NEXN: variants seen among roughly 807,000 people sequenced by gnomAD.
The protein encoded by NEXN is nexilin F-actin binding protein.
Under a neutral mutation model 92.6 loss-of-function variants are expected in NEXN, and 65 were observed. The ratio of observed to expected loss-of-function variants is 0.70; its 90% CI spans 0.57 to 0.86. NEXN has a LOEUF of 0.86. NEXN is among the 40% of genes least tolerant of loss of function. The probability of loss-of-function intolerance (pLI) is 0.00; values close to 1 mark genes in which losing one functional copy is unlikely to be tolerated. For synonymous variants in NEXN, 254 were observed against 242.5 expected, an observed-to-expected ratio of 1.05 and a Z score of -0.44; for missense variants, 778 against 771.1, an observed-to-expected ratio of 1.01 and a Z score of -0.11.
intron 1 of NEXN, among the ~76,000 whole-genome samples, chr1:77,901,982 A>G (rs1187039105): frequency 1.3e-5 from 2 of 152,200 alleles, no homozygotes; most frequent in African/African-American, 4.8e-5. Flanking sequence ...AAGCCTTATT[A>G]TATTTTTGAT....
chr1:77,941,972 CTTTGT>C, intron 11 of NEXN, 46 bp from the exon 12 acceptor site: 1 of 1,566,088 alleles, frequency 6.4e-7, no homozygotes, highest in South Asian at 1.1e-5. Context: ...AGTAACGCTT[CTTTGT>C]TTTTAGAAGG....
chr1:77,928,872 G>C (rs769823225), intron 8 of NEXN, among the ~76,000 whole-genome samples: 1 of 151,954 alleles, frequency 6.6e-6, no homozygotes, highest in Non-Finnish European at 1.5e-5. Flanking sequence ...TCAGCTTCTC[G>C]AGTAGCTGGG....
Position 77,940,513 on chromosome 1 carries a change from A to G in NEXN, c.1474-1510A>G, listed in dbSNP as rs116731661. Among the ~76,000 whole-genome samples, 234 of 152,266 alleles carry G rather than the reference A, an allele frequency of 1.5e-3. 1 individual carries two copies. Among genetic ancestry groups the G allele is most frequent in the Non-Finnish European group, 2.9e-3 (199 of 68,018 alleles). On this transcript the variant is annotated intron_variant, in intron 11 of 12. Transcript: ENST00000334785. ...AAGAGAAATTATTTTACTTACTCAA[A>G]TTTATTTTCTAAATGCAGGTTTGAG...
intron 5 of NEXN, among the ~76,000 whole-genome samples, chr1:77,922,938 T>C (rs1649548314): frequency 6.6e-6 from 1 of 151,704 alleles, no homozygotes; most frequent in South Asian, 2.1e-4. Context: ...ACTATTAAAG[T>C]ATAAAATAGA....
intron 11 of NEXN, among the ~76,000 whole-genome samples, chr1:77,936,335 C>A (rs1022679038): frequency 6.6e-6 from 1 of 152,180 alleles, no homozygotes; most frequent in Non-Finnish European, 1.5e-5. Flanking sequence ...CGCCTATAAT[C>A]CCAGCACTTT....
intron 4 of NEXN, 26 bp from the exon 5 acceptor site, chr1:77,918,099 C>G: frequency 1.9e-6 from 3 of 1,613,122 alleles, no homozygotes; most frequent in Non-Finnish European, 2.5e-6. Flanking sequence ...AACCAAGTAT[C>G]AAACTTTTTT....
chr1:77,933,719 T>C (rs1171535389), intron 10 of NEXN, among the ~76,000 whole-genome samples: 1 of 152,206 alleles, frequency 6.6e-6, no homozygotes, highest in Non-Finnish European at 1.5e-5. Context: ...GAGCTATTAC[T>C]ATTTATTTAT....
At chr1:77,921,295 C>G (rs561045250) in intron 5 of NEXN, among the ~76,000 whole-genome samples, 1 of 152,020 alleles carries the variant, frequency 6.6e-6, no homozygotes, top group East Asian at 1.9e-4. Flanking sequence ...ATGATCAGGC[C>G]ACTGCACCAA....
In NEXN at chr1:77,918,274, G is replaced by A. The variant is rs112542707; in HGVS notation, c.447+1G>A. 1 of 1,613,836 alleles carries A rather than the reference G, an allele frequency of 6.2e-7. No homozygotes were observed. Among genetic ancestry groups the A allele is most frequent in the South Asian group, 1.1e-5 (1 of 91,074 alleles). On this transcript the variant is annotated splice_donor_variant, in intron 5 of 12. Coordinates refer to ENST00000334785, the MANE Select transcript of NEXN (RefSeq NM_144573.4). LOFTEE classifies it high-confidence loss of function. ...TGAATTAGCAAAAAGGGCTGAACAG[G>A]TATCACTGAAGATTAAGTTCGTATT...
At chr1:77,893,179 C>A (rs1647147443) in intron 1 of NEXN, among the ~76,000 whole-genome samples, 1 of 152,044 alleles carries the variant, frequency 6.6e-6, no homozygotes, top group Non-Finnish European at 1.5e-5. Flanking sequence ...CTTAAAAATT[C>A]TACTCCCTGT....
intron 1 of NEXN, among the ~76,000 whole-genome samples, chr1:77,898,406 G>A (rs1638716425): frequency 1.3e-5 from 2 of 152,136 alleles, no homozygotes; most frequent in African/African-American, 4.8e-5. Flanking sequence ...AACAAGCAAT[G>A]GGGAAAGGAT....
chr1:77,938,918 GT>G (rs1651020615), intron 11 of NEXN, among the ~76,000 whole-genome samples: 2 of 152,194 alleles, frequency 1.3e-5, no homozygotes, highest in African/African-American at 4.8e-5. Flanking sequence ...GTAAAAATAG[GT>G]TGTGGCTAGT....
intron 1 of NEXN, among the ~76,000 whole-genome samples, chr1:77,912,629 C>T (rs1648677779): frequency 1.3e-5 from 2 of 152,048 alleles, no homozygotes; most frequent in Non-Finnish European, 2.9e-5. Flanking sequence ...GAATAGAGAG[C>T]CCAGAAATAG....
Position 77,943,272 on chromosome 1 carries a change from T to C in NEXN, c.*443T>C, listed in dbSNP as rs1199113343. ...ACACACAAACCTAAGTAGAATACAT[T>C]ATTTTGCATGAAGGAATGTCATTTC... is the stretch of plus-strand genomic sequence containing the variant. On this transcript the variant is annotated 3_prime_UTR_variant, in exon 13 of 13. Transcript: ENST00000334785. The C allele has an allele frequency of 5.5e-6, 1 of 180,940 alleles. No individual in the cohort carries two copies. Among genetic ancestry groups the C allele is most frequent in the Non-Finnish European group, 1.2e-5 (1 of 85,016 alleles). The allele number at this position is 180,940 out of a possible 1,614,324, so 11.2% of individuals were successfully genotyped here.
At chr1:77,926,357 C>A in intron 6 of NEXN, 57 bp from the exon 7 acceptor site, 1 of 1,276,764 alleles carries the variant, frequency 7.8e-7, no homozygotes, top group Non-Finnish European at 1.1e-6. Context: ...GGTAAAGTCC[C>A]ATGAAACCCA....
chr1:77,894,868 A>G (rs1290189975), intron 1 of NEXN, among the ~76,000 whole-genome samples: 3 of 151,334 alleles, frequency 2.0e-5, no homozygotes, highest in Non-Finnish European at 4.4e-5. Flanking sequence ...GGCGCACACC[A>G]CCATGCCTGG....
intron 6 of NEXN, among the ~76,000 whole-genome samples, chr1:77,925,577 A>G (rs1467324016): frequency 6.6e-6 from 1 of 152,108 alleles, no homozygotes; most frequent in Non-Finnish European, 1.5e-5. Context: ...TATTTTCATC[A>G]TTTGTCTTCT....
intron 1 of NEXN, among the ~76,000 whole-genome samples, chr1:77,904,607 T>C (rs1283984913): frequency 6.6e-6 from 1 of 152,170 alleles, no homozygotes; most frequent in Non-Finnish European, 1.5e-5. Context: ...GGAAAGCAAC[T>C]GATCCCCTGC....
intron 5 of NEXN, among the ~76,000 whole-genome samples, chr1:77,921,174 G>C (rs1291747822): frequency 6.6e-6 from 1 of 152,108 alleles, no homozygotes; most frequent in Non-Finnish European, 1.5e-5. Flanking sequence ...TGAGACCTCA[G>C]CTCTTAAAAA....
Sources: allele counts gnomAD v4.1 joint callset (sites outside exome capture counted in the v4.1 genomes callset), GRCh38; gene constraint gnomAD v4.1.1; transcripts MANE v1.5; gene names NCBI Gene and HGNC (gene_info 2026-07-23, HGNC 2026-07-21).